Variants in GALNT17 observed in about 807,000 individuals in gnomAD.
The protein encoded by GALNT17 is polypeptide N-acetylgalactosaminyltransferase 17.
Under a neutral mutation model 63.7 loss-of-function variants are expected in GALNT17, and 29 were observed. The ratio of observed to expected loss-of-function variants is 0.46; its 90% CI spans 0.34 to 0.62. The LOEUF (loss-of-function observed/expected upper bound fraction) is 0.62, where lower values mean the gene tolerates loss of function less well. GALNT17 is among the 20% of genes least tolerant of loss of function. The pLI is 0.01. For synonymous variants in GALNT17, 305 were observed against 318.3 expected (o/e 0.96, Z 0.45); for missense variants, 603 against 799.6 (o/e 0.75, Z 2.97).
At chr7:71,566,664 CT>C (rs568457006) in intron 5 of GALNT17, among the ~76,000 whole-genome samples, 21,641 of 131,436 alleles carry the variant, frequency 0.16, 2,886 homozygotes, top group African/African-American at 0.4. Flanking sequence ...CGAGATAAAG[CT>C]TTTTTTTTTT....
rs190815275 is a variant in GALNT17, at chr7:71,378,039, G to T, written c.423-10196G>T. On this transcript the variant is annotated intron_variant, in intron 2 of 10. Transcript: ENST00000333538. ...TTCAATTTCTAGGAGTTTTGCTGGGGCTCCATAGACCACAAAATATCTCAT... is the reference window on the plus strand; with the variant it reads ...TTCAATTTCTAGGAGTTTTGCTGGGTCTCCATAGACCACAAAATATCTCAT... Among the ~76,000 whole-genome samples the T allele has an allele frequency of 4.3e-4, 65 of 152,206 alleles. No homozygotes were observed. The East Asian group carries it at 5.8e-3, about 14-fold the overall frequency.
At chr7:71,247,076 A>ATTACTGCTT (rs1336213526) in intron 1 of GALNT17, among the ~76,000 whole-genome samples, 1 of 151,946 alleles carries the variant, frequency 6.6e-6, no homozygotes, top group Non-Finnish European at 1.5e-5. Context: ...CGCCCAGCCT[A>ATTACTGCTT]TTACTGCTTT....
chr7:71,671,283 A>G (rs1791065819), intron 8 of GALNT17, among the ~76,000 whole-genome samples: 1 of 152,188 alleles, frequency 6.6e-6, no homozygotes, highest in African/African-American at 2.4e-5. Context: ...AGGTGCTCTC[A>G]ATTTGGCTGA....
chr7:71,541,369 A>G (rs886803514), intron 5 of GALNT17, among the ~76,000 whole-genome samples: 4 of 152,064 alleles, frequency 2.6e-5, no homozygotes, highest in African/African-American at 9.7e-5. Context: ...ACTGGCCAAC[A>G]TGGTGAAATC....
chr7:71,326,171 G>A (rs780423905), intron 1 of GALNT17, among the ~76,000 whole-genome samples: 8 of 152,090 alleles, frequency 5.3e-5, no homozygotes, highest in Non-Finnish European at 1.2e-4. Context: ...TATTAAAAAG[G>A]CAGTGGATGG....
intron 6 of GALNT17, among the ~76,000 whole-genome samples, chr7:71,633,869 A>G (rs1331208992): frequency 6.6e-6 from 1 of 152,192 alleles, no homozygotes; most frequent in Non-Finnish European, 1.5e-5. Flanking sequence ...TCATGTGCTC[A>G]GCGACATCAA....
chr7:71,611,540 C>T (rs756106634), intron 6 of GALNT17, among the ~76,000 whole-genome samples: 5 of 152,168 alleles, frequency 3.3e-5, no homozygotes, highest in Non-Finnish European at 7.3e-5. Context: ...CTCTGCTCCT[C>T]CTCTTCCTCA....
intron 5 of GALNT17, among the ~76,000 whole-genome samples, chr7:71,518,403 A>G (rs994517552): frequency 2.6e-5 from 4 of 151,870 alleles, no homozygotes; most frequent in African/African-American, 4.8e-5. Flanking sequence ...TCCCCAAGGA[A>G]CTCTGGATGG....
rs145936579 is a variant in GALNT17 at position 71,435,893 on chromosome 7, G to A, written c.962+14788G>A. Among the ~76,000 whole-genome samples, 1,463 of 152,034 alleles carry A rather than the reference G, an allele frequency of 9.6e-3. 14 individuals carry two copies. The highest frequency in any genetic ancestry group is 0.012 in the Non-Finnish European group (820 of 67,984). On this transcript the variant is annotated intron_variant, in intron 5 of 10. Coordinates refer to ENST00000333538, the MANE Select transcript of GALNT17 (RefSeq NM_022479.3). The stretch of plus-strand genomic sequence containing the variant: ...TAATTAGCAGGGCGTGGTGGCGGAC[G>A]CCTGTAGTCCCACCTACTCGGGAGG...
At position 71,290,309 on chromosome 7, in the gene GALNT17, G is replaced by A. The variant is rs1345485570; in HGVS notation, c.239-45241G>A. Among the ~76,000 whole-genome samples, 6 of 152,132 alleles carry A rather than the reference G, an allele frequency of 3.9e-5. No homozygotes were observed. The East Asian group carries it at 7.7e-4, about 20-fold the overall frequency. ...CTCTTGTAATGGGAAGACATCTTTC[G>A]CTTTATGACAAGAGTCTTTGGAAAG... On this transcript the variant is annotated intron_variant, in intron 1 of 10. Transcript: ENST00000333538.
At chr7:71,498,390 T>C (rs1455355769) in intron 5 of GALNT17, among the ~76,000 whole-genome samples, 1 of 151,842 alleles carries the variant, frequency 6.6e-6, no homozygotes, top group Non-Finnish European at 1.5e-5. Flanking sequence ...GGTAGGAGAA[T>C]CACTTGAGCC....
chr7:71,693,251 CACACACACACAT>C lies in GALNT17; in HGVS notation c.1500+15957_1500+15968del, dbSNP rs1165144894. Among the ~76,000 whole-genome samples the C allele has an allele frequency of 6.8e-3, 106 of 15,506 alleles. 2 individuals are homozygous for C. The highest frequency in any genetic ancestry group is 0.012 in the Non-Finnish European group (64 of 5,146). 10.2% of individuals were successfully genotyped at this position (15,506 alleles called of 152,430 possible). On this transcript the variant is annotated intron_variant, in intron 9 of 10. Coordinates refer to ENST00000333538, the MANE Select transcript of GALNT17 (RefSeq NM_022479.3). ...GTATACATATATACACATATATATA[CACACACACACAT>C]ACACACACACACACACACACACACA... is the stretch of plus-strand genomic sequence containing the variant.
intron 1 of GALNT17, among the ~76,000 whole-genome samples, chr7:71,308,391 C>G (rs1791347258): frequency 6.6e-6 from 1 of 152,110 alleles, no homozygotes. Flanking sequence ...TATAGAACTG[C>G]TTTCAAAAGA....
intron 2 of GALNT17, among the ~76,000 whole-genome samples, chr7:71,377,110 A>G: frequency 1.6e-5 from 1 of 63,478 alleles, no homozygotes; most frequent in African/African-American, 7.8e-5. Context: ...ATAAAAATAA[A>G]AAAAATATAT....
chr7:71,178,348 T>C (rs1374326126), intron 1 of GALNT17, among the ~76,000 whole-genome samples: 1 of 152,176 alleles, frequency 6.6e-6, no homozygotes, highest in Non-Finnish European at 1.5e-5. Context: ...TAACTTTGTA[T>C]TTTAGCAGTT....
chr7:71,189,993 A>T (rs1257939698), intron 1 of GALNT17, among the ~76,000 whole-genome samples: 3 of 151,812 alleles, frequency 2.0e-5, no homozygotes. Flanking sequence ...TTGTACTTTT[A>T]GTAGAAGCAG....
chr7:71,325,386 T>A (rs1791687310), intron 1 of GALNT17, among the ~76,000 whole-genome samples: 1 of 152,084 alleles, frequency 6.6e-6, no homozygotes, highest in Non-Finnish European at 1.5e-5. Flanking sequence ...AGAGAGAGAT[T>A]TACTGCATGC....
intron 2 of GALNT17, among the ~76,000 whole-genome samples, chr7:71,387,155 G>A (rs760437813): frequency 1.1e-4 from 16 of 151,750 alleles, no homozygotes; most frequent in Non-Finnish European, 2.2e-4. Context: ...CATTTAACCT[G>A]CTCTTGGGCT....
chr7:71,554,621 C>A (rs1789132714), intron 5 of GALNT17, among the ~76,000 whole-genome samples: 1 of 152,210 alleles, frequency 6.6e-6, no homozygotes, highest in Non-Finnish European at 1.5e-5. Context: ...CTCCACCATT[C>A]CTGCCCCACT....
Sources: gnomAD v4.1 joint callset for allele counts (sites outside exome capture counted in the v4.1 genomes callset) on GRCh38, gnomAD v4.1.1 for gene constraint, MANE v1.5 for transcripts, NCBI Gene and HGNC (gene_info 2026-07-23, HGNC 2026-07-21) for gene names.